HIGD2B: variants seen among roughly 807,000 people sequenced by gnomAD.
HIGD2B encodes HIG1 hypoxia inducible domain family member 2B.
For synonymous variants in HIGD2B, 45 were observed against 28.1 expected (o/e 1.60, Z -1.90); for missense variants, 106 against 67.0 (o/e 1.58, Z -2.03).
chr15:72,678,441 G>A (rs1044318731), intron 2 of HIGD2B, among the ~76,000 whole-genome samples: 1 of 152,060 alleles, frequency 6.6e-6, no homozygotes, highest in Non-Finnish European at 1.5e-5. Flanking sequence ...GAATGCAGGA[G>A]TGTGCCACCA....
intron 1 of HIGD2B, among the ~76,000 whole-genome samples, chr15:72,684,985 A>C (rs551088349): frequency 2.6e-5 from 4 of 152,320 alleles, no homozygotes; most frequent in African/African-American, 9.6e-5. Flanking sequence ...GGGTTTCACC[A>C]TGCTGGCCAA....
At position 72,679,255 on chromosome 15, in the gene HIGD2B, C is replaced by T. The variant is rs538425689; in HGVS notation, c.-14+760G>A. On this transcript the variant is annotated intron_variant, in intron 2 of 2. Transcript: ENST00000311755. ...TGGCACACTCCTGTAGCCCCAGCTA[C>T]TAGGGAGGCTGAGGCAGGAGAATCG... Among the ~76,000 whole-genome samples, 6 of 151,218 alleles carry T rather than the reference C, an allele frequency of 4.0e-5. No individual in the cohort carries two copies. The South Asian group carries it at 1.0e-3, about 26-fold the overall frequency.
At position 72,675,823 on chromosome 15, in the gene HIGD2B, T is replaced by G. The variant is rs1196143153; in HGVS notation, c.*231A>C. The G allele has an allele frequency of 2.0e-6, 1 of 510,956 alleles. No homozygotes were observed. Among genetic ancestry groups the G allele is most frequent in the East Asian group, 3.1e-5 (1 of 31,836 alleles). The allele number at this position is 510,956 out of a possible 1,614,324, so 31.7% of individuals were successfully genotyped here. On this transcript the variant is annotated 3_prime_UTR_variant, in exon 3 of 3. Transcript: ENST00000311755. ...CTTTTTTCTTATTTTTAGAGTTTAT[T>G]AAGCAGGGGAGTGGAGGGAAGATGT... is the stretch of plus-strand genomic sequence containing the variant.
chr15:72,683,517 G>C (rs1193522484), intron 1 of HIGD2B, among the ~76,000 whole-genome samples: 1 of 149,720 alleles, frequency 6.7e-6, no homozygotes, highest in Non-Finnish European at 1.5e-5. Context: ...CGCCCATGAA[G>C]AGGACTGGAA....
At position 72,677,852 on chromosome 15, in the gene HIGD2B, C is replaced by T. The variant is rs181758201; in HGVS notation, c.-13-1465G>A. On this transcript the variant is annotated intron_variant, in intron 2 of 2. Transcript: ENST00000311755. The stretch of plus-strand genomic sequence containing the variant: ...GGATCTGGAGCTGGTAGGGAAGAAA[C>T]AGAGCTGTATGGGAGAAAAGAATAC... 6.6e-5 allele frequency among the ~76,000 whole-genome samples: 10 copies of T among 152,070 alleles called. No homozygotes were observed. The East Asian group carries it at 1.9e-3, about 29-fold the overall frequency.
At chr15:72,676,684 G>A (rs768872397) in intron 2 of HIGD2B, among the ~76,000 whole-genome samples, 1 of 152,142 alleles carries the variant, frequency 6.6e-6, no homozygotes, top group East Asian at 1.9e-4. Context: ...CAAAGTGCTG[G>A]GATTACAGGT....
At chr15:72,677,411 C>T (rs2064704035) in intron 2 of HIGD2B, among the ~76,000 whole-genome samples, 1 of 151,424 alleles carries the variant, frequency 6.6e-6, no homozygotes, top group African/African-American at 2.4e-5. Flanking sequence ...GGGTGGGCAA[C>T]AACAGCAAGA....
At chr15:72,682,915 A>G in intron 1 of HIGD2B, 1 of 200,982 alleles carries the variant, frequency 5.0e-6, no homozygotes, top group Admixed American at 5.3e-5. Flanking sequence ...ATCCTTTATA[A>G]GGAGAATGCT....
At chr15:72,684,395 C>T (rs1157847407) in intron 1 of HIGD2B, among the ~76,000 whole-genome samples, 1 of 150,924 alleles carries the variant, frequency 6.6e-6, no homozygotes, top group Admixed American at 6.6e-5. Flanking sequence ...CTTATGTTCC[C>T]TACCTCCAGA....
chr15:72,679,112 T>C (rs145141464), intron 2 of HIGD2B, among the ~76,000 whole-genome samples: 1 of 151,590 alleles, frequency 6.6e-6, no homozygotes, highest in African/African-American at 2.4e-5. Flanking sequence ...GGCTCACGCC[T>C]GTAATCCTAG....
At chr15:72,683,757 C>G (rs2064773918) in intron 1 of HIGD2B, among the ~76,000 whole-genome samples, 1 of 152,100 alleles carries the variant, frequency 6.6e-6, no homozygotes, top group Non-Finnish European at 1.5e-5. Flanking sequence ...GGGAGGATCA[C>G]TTGAGCCTGG....
chr15:72,678,766 G>C (rs561399519), intron 2 of HIGD2B, among the ~76,000 whole-genome samples: 331 of 152,200 alleles, frequency 2.2e-3, no homozygotes, highest in African/African-American at 7.7e-3. Context: ...GGGAGGTCAA[G>C]GCAGGAGGAT....
At chr15:72,685,224 G>A (rs982528158) in intron 1 of HIGD2B, among the ~76,000 whole-genome samples, 1 of 152,112 alleles carries the variant, frequency 6.6e-6, no homozygotes, top group Non-Finnish European at 1.5e-5. Context: ...CTCTCTTAGA[G>A]GCCTGGAGAA....
Position 72,679,130 on chromosome 15 carries a change from G to A in HIGD2B, c.-14+885C>T, listed in dbSNP as rs537554524. 3.9e-5 allele frequency among the ~76,000 whole-genome samples: 6 copies of A among 151,966 alleles called. No individual in the cohort carries two copies. In the South Asian group the frequency reaches 6.2e-4, roughly 16 times the overall value. On this transcript the variant is annotated intron_variant, in intron 2 of 2. Transcript: ENST00000311755. ...TCACGCCTGTAATCCTAGGACTTTCGAGGTGGGCAGATCACCTAAAATCAG... is the reference window on the plus strand; with the variant it reads ...TCACGCCTGTAATCCTAGGACTTTCAAGGTGGGCAGATCACCTAAAATCAG...
chr15:72,679,977 C>T (rs973354123), intron 2 of HIGD2B, 38 bp downstream of exon 2: 3 of 279,020 alleles, frequency 1.1e-5, no homozygotes, highest in South Asian at 7.8e-5. Context: ...CAGAAGCATC[C>T]TGGTAACCAA....
chr15:72,683,259 T>TAGAGGAGTGTTGGGGA (rs2150979386), intron 1 of HIGD2B, among the ~76,000 whole-genome samples: 1 of 152,272 alleles, frequency 6.6e-6, no homozygotes, highest in Admixed American at 6.5e-5. Context: ...ATATTCTCTG[T>TAGAGGAGTGTTGGGGA]AGAGGAGTGT....
At chr15:72,676,538 G>T (rs2064695051) in intron 2 of HIGD2B, among the ~76,000 whole-genome samples, 151 bp from the exon 3 acceptor site, 1 of 151,910 alleles carries the variant, frequency 6.6e-6, no homozygotes, top group East Asian at 1.9e-4. Context: ...AGCCTTCCAA[G>T]TAGCTGGGAT....
At chr15:72,677,084 C>T (rs1740974392) in intron 2 of HIGD2B, among the ~76,000 whole-genome samples, 2 of 152,156 alleles carry the variant, frequency 1.3e-5, no homozygotes, top group South Asian at 4.1e-4. Context: ...TATATGTGAT[C>T]TGTCTATTAT....
At chr15:72,683,558 TG>T (rs1199689281) in intron 1 of HIGD2B, among the ~76,000 whole-genome samples, 2 of 151,714 alleles carry the variant, frequency 1.3e-5, no homozygotes, top group Non-Finnish European at 2.9e-5. Context: ...CTAAGCGCTG[TG>T]GGTTGGGCGG....
Sources: gnomAD v4.1 joint callset for allele counts (sites outside exome capture counted in the v4.1 genomes callset) on GRCh38, gnomAD v4.1.1 for gene constraint, MANE v1.5 for transcripts, NCBI Gene and HGNC (gene_info 2026-07-23, HGNC 2026-07-21) for gene names.